Variants in KIF2A observed in about 807,000 individuals in gnomAD.
KIF2A encodes kinesin family member 2A.
KIF2A carries 22 observed loss-of-function variants against 100.2 expected under a neutral mutation model. The ratio of observed to expected loss-of-function variants is 0.22; its 90% CI spans 0.16 to 0.31. The LOEUF is 0.31. KIF2A is among the 10% of genes least tolerant of loss of function. The pLI is 1.00. For synonymous variants in KIF2A, 268 were observed against 285.9 expected (o/e 0.94, Z 0.63); for missense variants, 495 against 898.7 (o/e 0.55, Z 5.74).
At chr5:62,336,887 GA>G (rs141105666) in intron 1 of KIF2A, among the ~76,000 whole-genome samples, 1 of 152,058 alleles carries the variant, frequency 6.6e-6, no homozygotes, top group Non-Finnish European at 1.5e-5. Context: ...GAGATTAAGA[GA>G]AAAAAGTTTA....
intron 16 of KIF2A, among the ~76,000 whole-genome samples, chr5:62,366,744 T>C (rs1285002200): frequency 6.6e-6 from 1 of 150,556 alleles, no homozygotes; most frequent in Non-Finnish European, 1.5e-5. Flanking sequence ...GGCAGGAGAA[T>C]GGCCTGAACC....
intron 16 of KIF2A, among the ~76,000 whole-genome samples, chr5:62,366,912 A>G (rs750749857): frequency 6.6e-6 from 1 of 152,140 alleles, no homozygotes; most frequent in Non-Finnish European, 1.5e-5. Flanking sequence ...AATGTTTTGC[A>G]TATTATTCCT....
At chr5:62,311,327 C>A (rs973510581) in intron 1 of KIF2A, among the ~76,000 whole-genome samples, 2 of 152,148 alleles carry the variant, frequency 1.3e-5, no homozygotes, top group Non-Finnish European at 2.9e-5. Flanking sequence ...AAGGCACCAG[C>A]GAGCAGTGTT....
rs186974639 is a variant in KIF2A at position 62,347,815 on chromosome 5, G to A, written c.160-233G>A. On this transcript the variant is annotated intron_variant, in intron 2 of 20. Transcript: ENST00000407818. ...ATTTTTGTATTTTTTGTAGAGATGGGGTTTCACCATGTTGCCCAGGCTGGT... is the reference window on the plus strand; with the variant it reads ...ATTTTTGTATTTTTTGTAGAGATGGAGTTTCACCATGTTGCCCAGGCTGGT... Among the ~76,000 whole-genome samples, 518 of 151,788 alleles carry A rather than the reference G, an allele frequency of 3.4e-3. 2 individuals are homozygous for A. The highest frequency in any genetic ancestry group is 0.012 in the African/African-American group (493 of 41,386).
chr5:62,360,233 A>G (rs926639709), intron 9 of KIF2A, among the ~76,000 whole-genome samples: 2 of 151,566 alleles, frequency 1.3e-5, no homozygotes, highest in Admixed American at 1.3e-4. Flanking sequence ...CAAGTGATCC[A>G]CCCACCTCAG....
chr5:62,385,270 G>C (rs1741965874), intron 20 of KIF2A, among the ~76,000 whole-genome samples: 1 of 152,180 alleles, frequency 6.6e-6, no homozygotes, highest in Non-Finnish European at 1.5e-5. Context: ...GAAAGATACA[G>C]AAAAACAGGT....
At chr5:62,356,297 G>A (rs189314294) in intron 7 of KIF2A, among the ~76,000 whole-genome samples, 1 of 152,166 alleles carries the variant, frequency 6.6e-6, no homozygotes, top group Non-Finnish European at 1.5e-5. Context: ...CTGCATTAGA[G>A]CTCACCCTTT....
chr5:62,339,918 T>C (rs2111881573), intron 1 of KIF2A, among the ~76,000 whole-genome samples: 1 of 150,938 alleles, frequency 6.6e-6, no homozygotes, highest in Admixed American at 6.6e-5. Context: ...CTCAAATATC[T>C]GGGTAGTTAC....
Position 62,389,485 on chromosome 5 carries a change from C to CAAA in KIF2A, c.*3930_*3932dup, listed in dbSNP as rs775533413. On this transcript the variant is annotated 3_prime_UTR_variant, in exon 21 of 21. Coordinates refer to ENST00000407818, the MANE Select transcript of KIF2A (RefSeq NM_001098511.3). ...TGGGTGACAGAGCAAGACTCTGTCT[C>CAAA]AAAAAAAAAAAAAAAAGAAATGTTA... 1.3e-4 allele frequency among the ~76,000 whole-genome samples: 10 copies of CAAA among 75,914 alleles called. No homozygotes were observed. Among genetic ancestry groups the CAAA allele is most frequent in the African/African-American group, 2.9e-4 (5 of 17,528 alleles). The allele number at this position is 75,914 out of a possible 152,430, so 49.8% of individuals were successfully genotyped here. A position where few individuals can be genotyped will look rare whatever the true frequency, so the allele number is the denominator to read the frequency against.
chr5:62,358,328 T>C, intron 9 of KIF2A, 29 bp downstream of exon 9: 1 of 1,502,684 alleles, frequency 6.7e-7, no homozygotes, highest in Non-Finnish European at 8.9e-7. Flanking sequence ...AATCAGAATT[T>C]TGTTCTTATG....
At chr5:62,370,419 G>A (rs1010696630) in intron 16 of KIF2A, among the ~76,000 whole-genome samples, 3 of 151,938 alleles carry the variant, frequency 2.0e-5, no homozygotes, top group East Asian at 1.9e-4. Context: ...TCAGCCTCCC[G>A]AGTAGCTGGG....
chr5:62,376,790 C>G (rs1741571702), intron 18 of KIF2A, among the ~76,000 whole-genome samples: 1 of 151,930 alleles, frequency 6.6e-6, no homozygotes, highest in Admixed American at 6.6e-5. Flanking sequence ...GGCCTGGAAT[C>G]AGAGAAGCTC....
At chr5:62,363,067 A>G (rs912162012) in intron 12 of KIF2A, 111 bp from the exon 13 acceptor site, 10 of 826,168 alleles carry the variant, frequency 1.2e-5, no homozygotes, top group Non-Finnish European at 1.8e-5. Flanking sequence ...AGCTCAAGCC[A>G]TCCTCCTGCC....
Position 62,385,488 on chromosome 5 carries a change from A to G in KIF2A, c.2154A>G (p.Lys718=). 1 of 1,576,204 alleles carries G rather than the reference A, an allele frequency of 6.3e-7. No individual in the cohort carries two copies. The change falls in exon 21 of 21, where the codon AAA becomes AAG. Residue 718 remains lysine (K), a synonymous_variant. Transcript: ENST00000407818. The stretch of plus-strand genomic sequence containing the variant: ...TCTTTCTTTTCTTTTTCCAAGATAA[A>G]GTGAAATCTTTCCGTGCAGCTCTAC... The part of the protein sequence containing the change: ...KIDILTELRD[K]VKSFRAALQE...
At chr5:62,326,408 T>A (rs1352159613) in intron 1 of KIF2A, among the ~76,000 whole-genome samples, 2 of 152,136 alleles carry the variant, frequency 1.3e-5, no homozygotes, top group Non-Finnish European at 2.9e-5. Context: ...TGACCTTGCT[T>A]GTCATTTCAC....
At chr5:62,379,955 G>A (rs1369678817) in intron 19 of KIF2A, among the ~76,000 whole-genome samples, 1 of 152,128 alleles carries the variant, frequency 6.6e-6, no homozygotes, top group African/African-American at 2.4e-5. Context: ...GCAATGGCGC[G>A]ATCTCGGCTC....
intron 1 of KIF2A, among the ~76,000 whole-genome samples, chr5:62,314,658 T>C (rs892177506): frequency 2.6e-5 from 4 of 152,070 alleles, no homozygotes. Flanking sequence ...GGTTTTGGCA[T>C]TAATTTTGAC....
intron 20 of KIF2A, 84 bp downstream of exon 20, chr5:62,381,337 G>A: frequency 6.2e-6 from 7 of 1,123,158 alleles, no homozygotes; most frequent in Non-Finnish European, 9.1e-6. Context: ...TATTGCAAGA[G>A]GACATACGAA....
chr5:62,390,701 G>A lies in KIF2A; in HGVS notation c.*5132G>A, dbSNP rs1239475223. On this transcript the variant is annotated 3_prime_UTR_variant, in exon 21 of 21. Transcript: ENST00000407818. Reference sequence around the variant, plus strand: ...TGTTCTTAAAGAAAATGTTCATTCTGCTGCAGCTAACTAGCCTCCATCTTC... The same window carrying A: ...TGTTCTTAAAGAAAATGTTCATTCTACTGCAGCTAACTAGCCTCCATCTTC... 6.6e-6 allele frequency among the ~76,000 whole-genome samples: 1 copy of A among 152,098 alleles called. No homozygotes were observed. The highest frequency in any genetic ancestry group is 1.5e-5 in the Non-Finnish European group (1 of 68,022).
Sources: allele counts gnomAD v4.1 joint callset (sites outside exome capture counted in the v4.1 genomes callset), GRCh38; gene constraint gnomAD v4.1.1; transcripts MANE v1.5; gene names NCBI Gene and HGNC (gene_info 2026-07-23, HGNC 2026-07-21).